Variants in STARD13 observed in about 807,000 individuals in gnomAD.
STARD13 encodes the protein StAR related lipid transfer domain containing 13, also known as stAR-related lipid transfer protein 13.
Under a neutral mutation model 106.4 loss-of-function variants are expected in STARD13, and 62 were observed. The observed-to-expected ratio is 0.58, with a 90% CI of 0.48 to 0.72. The LOEUF is 0.72. Ranked by LOEUF, STARD13 falls within the 30% of genes least tolerant of loss-of-function variation. The probability of loss-of-function intolerance (pLI) is 0.00; values close to 1 mark genes in which losing one functional copy is unlikely to be tolerated. For synonymous variants in STARD13, 565 were observed against 553.0 expected (o/e 1.02, Z -0.31); for missense variants, 1,387 against 1,424.0 (o/e 0.97, Z 0.42).
At chr13:33,328,944 A>G (rs2077806058) in intron 1 of STARD13, among the ~76,000 whole-genome samples, 1 of 152,242 alleles carries the variant, frequency 6.6e-6, no homozygotes, top group African/African-American at 2.4e-5. Flanking sequence ...AAGAGCCCTC[A>G]GGCAACTACA....
chr13:33,369,383 C>T, the STARD13 span, among the ~76,000 whole-genome samples: 4 of 152,164 alleles, frequency 2.6e-5, no homozygotes, highest in African/African-American at 9.7e-5. Context: ...AGCTTTTCTC[C>T]CTTCAAATAC....
chr13:33,574,647 A>T, the STARD13 span, among the ~76,000 whole-genome samples: 1 of 152,038 alleles, frequency 6.6e-6, no homozygotes, highest in African/African-American at 2.4e-5. Flanking sequence ...GAGCCTGAGG[A>T]GGGAGAATCA....
At chr13:33,417,353 C>A in the STARD13 span, among the ~76,000 whole-genome samples, 1 of 152,162 alleles carries the variant, frequency 6.6e-6, no homozygotes, top group South Asian at 2.1e-4. Context: ...TACCACAGGG[C>A]CCAGCATTCC....
the STARD13 span, among the ~76,000 whole-genome samples, chr13:33,623,763 C>A: frequency 6.6e-6 from 1 of 151,834 alleles, no homozygotes; most frequent in Non-Finnish European, 1.5e-5. Flanking sequence ...TGTCTATATA[C>A]TAAAAAGACA....
At chr13:33,417,894 C>T in the STARD13 span, among the ~76,000 whole-genome samples, 1 of 152,112 alleles carries the variant, frequency 6.6e-6, no homozygotes, top group Non-Finnish European at 1.5e-5. Context: ...AAATTATTGA[C>T]TTATACATTT....
chr13:33,629,434 T>A, the STARD13 span, among the ~76,000 whole-genome samples: 3 of 152,236 alleles, frequency 2.0e-5, no homozygotes, highest in East Asian at 5.8e-4. Flanking sequence ...CAGCCATATG[T>A]CTTTTAGATT....
intron 1 of STARD13, among the ~76,000 whole-genome samples, chr13:33,172,570 C>T (rs1177417663): frequency 6.6e-6 from 1 of 152,194 alleles, no homozygotes; most frequent in Non-Finnish European, 1.5e-5. Context: ...CACATTACAA[C>T]CTCATTGTAT....
the STARD13 span, among the ~76,000 whole-genome samples, chr13:33,408,645 G>A: frequency 9.8e-3 from 1,484 of 152,006 alleles, 23 homozygotes; most frequent in African/African-American, 0.033. Context: ...TATATCCTTG[G>A]AAAAAGCTGA....
the STARD13 span, among the ~76,000 whole-genome samples, chr13:33,660,579 C>T: frequency 6.6e-6 from 1 of 152,084 alleles, no homozygotes; most frequent in Non-Finnish European, 1.5e-5. Flanking sequence ...TTGATTTGTA[C>T]TGTGGGTTTG....
At chr13:33,654,202 A>G in the STARD13 span, among the ~76,000 whole-genome samples, 1 of 152,226 alleles carries the variant, frequency 6.6e-6, no homozygotes, top group Non-Finnish European at 1.5e-5. Context: ...ATGTGCATGC[A>G]TGTTTATAAT....
chr13:33,126,000 A>C (rs1877099956), intron 7 of STARD13, 81 bp downstream of exon 7: 3 of 1,524,016 alleles, frequency 2.0e-6, no homozygotes, highest in Non-Finnish European at 2.7e-6. Context: ...TATTGGGCAG[A>C]TCTGACTCAG....
At chr13:33,323,019 T>A (rs1893615598) in intron 1 of STARD13, among the ~76,000 whole-genome samples, 1 of 152,218 alleles carries the variant, frequency 6.6e-6, no homozygotes, top group Non-Finnish European at 1.5e-5. Flanking sequence ...TGTAACAGAA[T>A]AAGAGAAGAA....
intron 1 of STARD13, among the ~76,000 whole-genome samples, chr13:33,183,872 C>T (rs559119836): frequency 3.3e-5 from 5 of 152,296 alleles, no homozygotes; most frequent in Admixed American, 2.0e-4. Flanking sequence ...AGGGAATCAT[C>T]CAGCCAGTCC....
the STARD13 span, among the ~76,000 whole-genome samples, chr13:33,394,649 T>G: frequency 1.2e-4 from 19 of 152,190 alleles, no homozygotes; most frequent in Non-Finnish European, 2.6e-4. Flanking sequence ...TGATAGCAGA[T>G]TAAAGCATCA....
the STARD13 span, among the ~76,000 whole-genome samples, chr13:33,431,415 C>A: frequency 6.6e-6 from 1 of 151,978 alleles, no homozygotes; most frequent in African/African-American, 2.4e-5. Flanking sequence ...TCACCTGTTT[C>A]TTTTATTAAT....
At chr13:33,494,847 T>C in the STARD13 span, among the ~76,000 whole-genome samples, 1 of 152,140 alleles carries the variant, frequency 6.6e-6, no homozygotes, top group Non-Finnish European at 1.5e-5. Context: ...TTTTCTTTGC[T>C]GCTGCACCAA....
intron 1 of STARD13, among the ~76,000 whole-genome samples, chr13:33,325,253 C>G (rs2077761021): frequency 6.6e-6 from 1 of 152,166 alleles, no homozygotes; most frequent in South Asian, 2.1e-4. Flanking sequence ...TTTAACTCTT[C>G]TCTAGCCTTC....
upstream of STARD13, among the ~76,000 whole-genome samples, chr13:33,289,627 C>T (rs1892208377): frequency 6.6e-6 from 1 of 152,116 alleles, no homozygotes; most frequent in African/African-American, 2.4e-5. Flanking sequence ...AAGGGGAGAG[C>T]ATTTTGGAAG....
intron 1 of STARD13, among the ~76,000 whole-genome samples, chr13:33,253,063 C>G (rs1474214914): frequency 6.6e-6 from 1 of 152,178 alleles, no homozygotes; most frequent in Non-Finnish European, 1.5e-5. Flanking sequence ...TACTTAGATC[C>G]TAGTATCATG....
Sources: allele counts gnomAD v4.1 joint callset (sites outside exome capture counted in the v4.1 genomes callset), GRCh38; gene constraint gnomAD v4.1.1; transcripts MANE v1.5; gene names NCBI Gene and HGNC (gene_info 2026-07-23, HGNC 2026-07-21).